Variants in TBC1D7 observed in about 807,000 individuals in gnomAD.
TBC1D7 encodes TBC1 domain family member 7.
A neutral mutation model predicts 35.3 loss-of-function variants in TBC1D7; 33 were observed. That is an observed-to-expected ratio of 0.93 (90% CI 0.71 to 1.25). The LOEUF (loss-of-function observed/expected upper bound fraction) is 1.25, where lower values mean the gene tolerates loss of function less well. TBC1D7 is among the 50% of genes most tolerant of loss of function. The pLI is 0.00. For missense variants in TBC1D7, 362 were observed against 365.3 expected (o/e 0.99, Z 0.07); for synonymous variants, 135 against 129.5 (o/e 1.04, Z -0.29).
At chr6:13,327,131 C>T (rs953064418) in intron 1 of TBC1D7, among the ~76,000 whole-genome samples, 1 of 152,184 alleles carries the variant, frequency 6.6e-6, no homozygotes, top group Non-Finnish European at 1.5e-5. Flanking sequence ...GTTAAAAGTT[C>T]TCTGAGCTGA....
At chr6:13,314,067 A>G (rs142573469) in intron 5 of TBC1D7, among the ~76,000 whole-genome samples, 2,660 of 152,216 alleles carry the variant, frequency 0.017, 74 homozygotes, top group African/African-American at 0.06. Context: ...AAATACAAAA[A>G]ATTAGCTGGG....
intron 5 of TBC1D7, among the ~76,000 whole-genome samples, chr6:13,315,079 A>G (rs1410266646): frequency 6.6e-6 from 1 of 152,164 alleles, no homozygotes; most frequent in Admixed American, 6.5e-5. Context: ...TTTTTTTAAA[A>G]AAAGAACCTT....
chr6:13,325,623 A>G lies in TBC1D7; in HGVS notation c.113-449T>C, dbSNP rs1280893883. On this transcript the variant is annotated intron_variant, in intron 2 of 7. Transcript: ENST00000379300. ...GGTTGCAGTGAGCCAAGATCGTGCC[A>G]CTGCACTGCAGCCTGGGCAAGAGTG... 3.3e-5 allele frequency among the ~76,000 whole-genome samples: 5 copies of G among 152,256 alleles called. No individual in the cohort carries two copies. In the East Asian group the frequency reaches 9.6e-4, roughly 29 times the overall value.
At chr6:13,320,470 T>C (rs1584560807) in intron 4 of TBC1D7, 1 of 432,646 alleles carries the variant, frequency 2.3e-6, no homozygotes, top group Non-Finnish European at 4.1e-6. Flanking sequence ...AAAAAAAATG[T>C]GTTTAAAAAA....
At chr6:13,322,245 C>A (rs1290836602) in intron 3 of TBC1D7, among the ~76,000 whole-genome samples, 2 of 151,806 alleles carry the variant, frequency 1.3e-5, no homozygotes, top group Non-Finnish European at 2.9e-5. Context: ...CAGAGTAAGA[C>A]CCTGTCTCAA....
rs1274475346 is a variant in TBC1D7 at position 13,328,514 on chromosome 6, T to TGCC, written c.-230_-228dup. 1 of 157,892 alleles carries TGCC rather than the reference T, an allele frequency of 6.3e-6. No individual in the cohort carries two copies. Among genetic ancestry groups the TGCC allele is most frequent in the Non-Finnish European group, 1.4e-5 (1 of 71,034 alleles). 9.8% of individuals were successfully genotyped at this position (157,892 alleles called of 1,614,324 possible). On this transcript the variant is annotated 5_prime_UTR_variant, in exon 1 of 8. Coordinates refer to ENST00000379300, the MANE Select transcript of TBC1D7 (RefSeq NM_016495.6). Reference sequence around the variant, plus strand: ...AGACAAAACTCAGCGCCGCTGCCGCTGCCGCTGCCGCCGCCGCCGGACGTG... The same window carrying TGCC: ...AGACAAAACTCAGCGCCGCTGCCGCTGCCGCCGCTGCCGCCGCCGCCGGACGTG...
intron 6 of TBC1D7, chr6:13,307,285 TAAC>T (rs1309525763): frequency 3.1e-5 from 7 of 229,294 alleles, no homozygotes; most frequent in Admixed American, 2.6e-4. Flanking sequence ...ATGATGAAAC[TAAC>T]ACTAAGATTT....
intron 3 of TBC1D7, among the ~76,000 whole-genome samples, chr6:13,322,736 G>GAT (rs1784128556): frequency 6.6e-6 from 1 of 152,182 alleles, no homozygotes; most frequent in Admixed American, 6.5e-5. Context: ...CATGCTATGA[G>GAT]ACTGTGTGCC....
intron 4 of TBC1D7, among the ~76,000 whole-genome samples, chr6:13,317,312 G>A (rs1432780922): frequency 6.6e-6 from 1 of 152,052 alleles, no homozygotes; most frequent in African/African-American, 2.4e-5. Context: ...TAAACTCTCA[G>A]GTAAATTTCA....
intron 3 of TBC1D7, among the ~76,000 whole-genome samples, chr6:13,323,447 C>T (rs1784188234): frequency 6.6e-6 from 1 of 152,082 alleles, no homozygotes; most frequent in South Asian, 2.1e-4. Flanking sequence ...TGAGGGAAAG[C>T]ACAACTGCAC....
At chr6:13,315,489 G>A (rs999298290) in intron 5 of TBC1D7, among the ~76,000 whole-genome samples, 2 of 152,216 alleles carry the variant, frequency 1.3e-5, no homozygotes, top group African/African-American at 4.8e-5. Context: ...CAAGGTGGGC[G>A]GATAACCTGA....
intron 2 of TBC1D7, among the ~76,000 whole-genome samples, chr6:13,325,385 AG>A (rs368095964): frequency 1.9e-3 from 288 of 152,352 alleles, no homozygotes; most frequent in African/African-American, 6.7e-3. Flanking sequence ...ATTTGCGGCC[AG>A]GCACGGTGGC....
In TBC1D7 at chr6:13,306,508, TC is replaced by T; in HGVS notation, c.684del (p.Ser229ValfsTer7). ...SSLQRVWDKV[V>X]SGSCKILVFV... ...AAAACTAGGATCTTACAGGATCCAC[TC>T]ACAACTTTATCCCAAACCCTACAAA... is the stretch of plus-strand genomic sequence containing the variant. On this transcript the variant is annotated frameshift_variant, in exon 7 of 8. Coordinates refer to ENST00000379300, the MANE Select transcript of TBC1D7 (RefSeq NM_016495.6). LOFTEE classifies it high-confidence loss of function. The T allele has an allele frequency of 1.2e-6, 2 of 1,602,878 alleles. No individual in the cohort carries two copies. Among genetic ancestry groups the T allele is most frequent in the Non-Finnish European group, 1.7e-6 (2 of 1,176,156 alleles).
rs1487540483 is a variant in TBC1D7, at chr6:13,305,061, CT to C, written c.*39del. ...TCACATGCCAAGAACACAATGCTCA[CT>C]GTGGTGCCTGGCAGACGGTCCACAA... is the stretch of plus-strand genomic sequence containing the variant. On this transcript the variant is annotated 3_prime_UTR_variant, in exon 8 of 8. Coordinates refer to ENST00000379300, the MANE Select transcript of TBC1D7 (RefSeq NM_016495.6). The C allele has an allele frequency of 6.7e-7, 1 of 1,495,532 alleles. No individual in the cohort carries two copies. The highest frequency in any genetic ancestry group is 9.2e-7 in the Non-Finnish European group (1 of 1,092,500). The allele number at this position is 1,495,532 out of a possible 1,614,324, so 92.6% of individuals were successfully genotyped here.
At chr6:13,323,230 G>A (rs763838440) in intron 3 of TBC1D7, among the ~76,000 whole-genome samples, 2 of 152,128 alleles carry the variant, frequency 1.3e-5, no homozygotes, top group African/African-American at 2.4e-5. Context: ...GTGCGCGCCT[G>A]TAGTCCCAGC....
At chr6:13,323,335 A>G (rs1266609704) in intron 3 of TBC1D7, among the ~76,000 whole-genome samples, 1 of 152,130 alleles carries the variant, frequency 6.6e-6, no homozygotes, top group African/African-American at 2.4e-5. Context: ...TGGGTGACAG[A>G]GCAAAACTCT....
Position 13,321,053 on chromosome 6 carries a change from A to G in TBC1D7, c.236T>C (p.Met79Thr). ...ATCCAAGTACTGCTCCTTACGATAC[A>G]TCATCACCTTGGCATGGGACTCGTG... ...PHHESHAKVMMYRKEQYLDVL... is the reference protein window; with the variant it reads ...PHHESHAKVMTYRKEQYLDVL... The change falls in exon 4 of 8, where the codon ATG becomes ACG. Residue 79 changes from methionine to threonine, a missense_variant. Coordinates refer to ENST00000379300, the MANE Select transcript of TBC1D7 (RefSeq NM_016495.6). 6.2e-7 allele frequency: 1 copy of G among 1,614,138 alleles called. No individual in the cohort carries two copies. Among genetic ancestry groups the G allele is most frequent in the Non-Finnish European group, 8.5e-7 (1 of 1,179,984 alleles).
chr6:13,328,502 C>CGCCGCTGCCGCTGCCGCTGCCGCT lies in TBC1D7; in HGVS notation c.-216_-215insAGCGGCAGCGGCAGCGGCAGCGGC, dbSNP rs553838367. ...AGACGGCCCGGGAGACAAAACTCAG[C>CGCCGCTGCCGCTGCCGCTGCCGCT]GCCGCTGCCGCTGCCGCTGCCGCCG... On this transcript the variant is annotated 5_prime_UTR_variant, in exon 1 of 8. Coordinates refer to ENST00000379300, the MANE Select transcript of TBC1D7 (RefSeq NM_016495.6). 1.4e-3 allele frequency: 212 copies of CGCCGCTGCCGCTGCCGCTGCCGCT among 153,848 alleles called. No individual in the cohort carries two copies. Among genetic ancestry groups the CGCCGCTGCCGCTGCCGCTGCCGCT allele is most frequent in the African/African-American group, 4.0e-3 (166 of 41,206 alleles). 9.5% of individuals were successfully genotyped at this position (153,848 alleles called of 1,614,324 possible). A position where few individuals can be genotyped will look rare whatever the true frequency, so the allele number is the denominator to read the frequency against.
intron 3 of TBC1D7, among the ~76,000 whole-genome samples, chr6:13,323,443 A>T (rs1784188014): frequency 1.3e-5 from 2 of 152,226 alleles, no homozygotes; most frequent in South Asian, 4.1e-4. Context: ...GAAGTGAGGG[A>T]AAGCACAACT....
Sources: allele counts gnomAD v4.1 joint callset (sites outside exome capture counted in the v4.1 genomes callset), GRCh38; gene constraint gnomAD v4.1.1; transcripts MANE v1.5; gene names NCBI Gene and HGNC (gene_info 2026-07-23, HGNC 2026-07-21).